The following ZBTB2 variants were observed in gnomAD, a reference collection of about 807,000 sequenced individuals.
The protein encoded by ZBTB2 is zinc finger and BTB domain-containing protein 2.
ZBTB2 carries 2 observed loss-of-function variants against 39.5 expected under a neutral mutation model. The ratio of observed to expected loss-of-function variants is 0.05; its 90% CI spans 0.02 to 0.16. The LOEUF is 0.16. Among genes scored for constraint, ZBTB2 ranks in the 10% least tolerant of loss-of-function variants. The probability of loss-of-function intolerance (pLI) is 1.00; values close to 1 mark genes in which losing one functional copy is unlikely to be tolerated. For missense variants in ZBTB2, 391 were observed against 653.0 expected (o/e 0.60, Z 4.37); for synonymous variants, 251 against 256.6 (o/e 0.98, Z 0.21).
intron 1 of ZBTB2, among the ~76,000 whole-genome samples, chr6:151,385,069 G>A (rs1779124096): frequency 6.6e-6 from 1 of 152,006 alleles, no homozygotes; most frequent in Non-Finnish European, 1.5e-5. Context: ...TAAAAAACAA[G>A]TCATTTGTCT....
intron 1 of ZBTB2, among the ~76,000 whole-genome samples, chr6:151,384,782 T>C (rs1053166406): frequency 6.6e-6 from 1 of 152,212 alleles, no homozygotes; most frequent in African/African-American, 2.4e-5. Context: ...TGACTGTGAA[T>C]TGTCTGCGTC....
At chr6:151,368,387 G>A (rs1013306416) in intron 2 of ZBTB2, among the ~76,000 whole-genome samples, 6 of 152,174 alleles carry the variant, frequency 3.9e-5, no homozygotes, top group Admixed American at 1.3e-4. Context: ...CTGAACTCGT[G>A]ATCTGCCCGC....
At chr6:151,373,870 A>AAAAAAAAAAAAAAAAAAAAAACAAAAC (rs1778843577) in intron 1 of ZBTB2, among the ~76,000 whole-genome samples, 6 of 123,560 alleles carry the variant, frequency 4.9e-5, no homozygotes, top group African/African-American at 2.1e-4. Flanking sequence ...AAAAAAAAAA[A>AAAAAAAAAAAAAAAAAAAAAACAAAAC]AAAAAAACCA....
intron 1 of ZBTB2, among the ~76,000 whole-genome samples, chr6:151,391,026 C>T (rs1779291752): frequency 1.4e-5 from 2 of 147,040 alleles, no homozygotes; most frequent in African/African-American, 2.5e-5. Context: ...TCCCTCCCAC[C>T]CTCCCTCCGA....
chr6:151,379,196 G>C (rs1180164795), intron 1 of ZBTB2, among the ~76,000 whole-genome samples: 1 of 152,072 alleles, frequency 6.6e-6, no homozygotes, highest in Non-Finnish European at 1.5e-5. Context: ...GTTAATACTT[G>C]GTATTCTTTG....
intron 1 of ZBTB2, among the ~76,000 whole-genome samples, chr6:151,377,535 ATTT>A (rs769474299): frequency 1.2e-4 from 12 of 103,442 alleles, no homozygotes; most frequent in African/African-American, 4.3e-4. Flanking sequence ...TGTCTGGCTA[ATTT>A]TTTTTTTTTT....
chr6:151,374,200 T>C lies in ZBTB2; in HGVS notation c.-12-551A>G, dbSNP rs936338985. ...GAGAATCAATAAGTCTGAGGGCCAA[T>C]AGTCCAGCTCCTGCTGTGTGCTCCT... On this transcript the variant is annotated intron_variant, in intron 1 of 2. Coordinates refer to ENST00000325144, the MANE Select transcript of ZBTB2 (RefSeq NM_020861.3). 3.9e-5 allele frequency among the ~76,000 whole-genome samples: 6 copies of C among 152,140 alleles called. 1 individual carries two copies. Among genetic ancestry groups the C allele is most frequent in the Admixed American group, 6.6e-5 (1 of 15,262 alleles).
chr6:151,381,016 C>T (rs1321917367), intron 1 of ZBTB2, among the ~76,000 whole-genome samples: 5 of 152,142 alleles, frequency 3.3e-5, no homozygotes, highest in African/African-American at 1.2e-4. Context: ...TCTGGCCAAA[C>T]CAGAAATCTC....
chr6:151,377,716 A>G (rs1180615599), intron 1 of ZBTB2, among the ~76,000 whole-genome samples: 1 of 151,684 alleles, frequency 6.6e-6, no homozygotes, highest in Non-Finnish European at 1.5e-5. Flanking sequence ...ATTTTTTAGT[A>G]GAGATGGGGT....
chr6:151,374,715 A>C (rs1046589334), intron 1 of ZBTB2, among the ~76,000 whole-genome samples: 1 of 152,048 alleles, frequency 6.6e-6, no homozygotes, highest in Non-Finnish European at 1.5e-5. Flanking sequence ...AGGAAATAAA[A>C]AGCATATAGA....
chr6:151,383,743 T>C (rs991390152), intron 1 of ZBTB2, among the ~76,000 whole-genome samples: 2 of 152,016 alleles, frequency 1.3e-5, no homozygotes, highest in South Asian at 2.1e-4. Context: ...GAACTGACCA[T>C]GAGACAGACA....
intron 1 of ZBTB2, among the ~76,000 whole-genome samples, chr6:151,383,487 C>T (rs1779086146): frequency 6.6e-6 from 1 of 152,254 alleles, no homozygotes. Context: ...TGTTATTTCA[C>T]TCACTTTGGG....
At chr6:151,380,240 T>C (rs1414005497) in intron 1 of ZBTB2, among the ~76,000 whole-genome samples, 1 of 152,172 alleles carries the variant, frequency 6.6e-6, no homozygotes, top group Non-Finnish European at 1.5e-5. Flanking sequence ...AATCTTCTTT[T>C]GGAGACCAAA....
chr6:151,380,518 CCT>C (rs1489062400), intron 1 of ZBTB2, among the ~76,000 whole-genome samples: 1 of 152,214 alleles, frequency 6.6e-6, no homozygotes, highest in Admixed American at 6.5e-5. Context: ...TGAGGCCGCC[CCT>C]CTTTTGTGGG....
chr6:151,384,551 T>C (rs1327517342), intron 1 of ZBTB2, among the ~76,000 whole-genome samples: 3 of 152,162 alleles, frequency 2.0e-5, no homozygotes, highest in Admixed American at 6.5e-5. Context: ...TGAAGGAGAA[T>C]GGAGCAGATC....
chr6:151,384,974 G>A (rs77913622), intron 1 of ZBTB2, among the ~76,000 whole-genome samples: 2,082 of 152,136 alleles, frequency 0.014, 18 homozygotes, highest in Non-Finnish European at 0.021. Flanking sequence ...ACAAAGGGCC[G>A]ACAATCAAGA....
At chr6:151,375,080 A>ATTCTC (rs1778879981) in intron 1 of ZBTB2, among the ~76,000 whole-genome samples, 1 of 152,118 alleles carries the variant, frequency 6.6e-6, no homozygotes, top group African/African-American at 2.4e-5. Context: ...AGCTCACACC[A>ATTCTC]CTGCACTCCA....
intron 1 of ZBTB2, among the ~76,000 whole-genome samples, chr6:151,390,409 G>A (rs1264726428): frequency 1.3e-5 from 2 of 150,050 alleles, no homozygotes; most frequent in African/African-American, 4.9e-5. Flanking sequence ...CTCCGGCCGC[G>A]TTGCACGCTC....
chr6:151,366,408 TCTC>T lies in ZBTB2; in HGVS notation c.655_657del (p.Glu219del), dbSNP rs1217882796. The T allele has an allele frequency of 6.2e-7, 1 of 1,613,666 alleles. No individual in the cohort carries two copies. The highest frequency in any genetic ancestry group is 8.5e-7 in the Non-Finnish European group (1 of 1,179,944). On this transcript the variant is annotated inframe_deletion, in exon 3 of 3. Coordinates refer to ENST00000325144, the MANE Select transcript of ZBTB2 (RefSeq NM_020861.3). The surrounding 1 kb of genome is among the most constrained non-coding windows in gnomAD (Gnocchi z 7.1). ...TCGGAGGAAGATGCTTCCAGATTGGTCTCCTCCCCGGGAGGAGGGGGAGGAACA... is the reference window on the plus strand; with the variant it reads ...TCGGAGGAAGATGCTTCCAGATTGGTCTCCCCGGGAGGAGGGGGAGGAACA...
Sources: allele counts gnomAD v4.1 joint callset (sites outside exome capture counted in the v4.1 genomes callset), GRCh38; gene constraint gnomAD v4.1.1; non-coding constraint Gnocchi (gnomAD v3.1); transcripts MANE v1.5; gene names NCBI Gene and HGNC (gene_info 2026-07-23, HGNC 2026-07-21).